ARHGAP5: variants seen among roughly 807,000 people sequenced by gnomAD.
ARHGAP5 encodes Rho GTPase activating protein 5, also known as rho GTPase-activating protein 5.
A neutral mutation model predicts 116.6 loss-of-function variants in ARHGAP5; 23 were observed. That is an observed-to-expected ratio of 0.20 (90% CI 0.14 to 0.28). The LOEUF is 0.28. Among genes scored for constraint, ARHGAP5 ranks in the 10% least tolerant of loss-of-function variants. ARHGAP5 has a pLI of 1.00. For synonymous variants in ARHGAP5, 574 were observed against 602.0 expected, an observed-to-expected ratio of 0.95 and a Z score of 0.68; for missense variants, 1,405 against 1,774.8, an observed-to-expected ratio of 0.79 and a Z score of 3.74.
rs908522043 is a variant in ARHGAP5, at chr14:32,129,287, T to C, written c.3865+12000T>C. ...TCTGTTCCCATTTTTTTTTCAGTTA[T>C]GCTAGAGTAGGTGATCAGGTGACCA... is the stretch of plus-strand genomic sequence containing the variant. On this transcript the variant is annotated intron_variant, in intron 3 of 6. Coordinates refer to ENST00000345122, the MANE Select transcript of ARHGAP5 (RefSeq NM_001030055.2). Among the ~76,000 whole-genome samples, 12 of 152,284 alleles carry C rather than the reference T, an allele frequency of 7.9e-5. No individual in the cohort carries two copies. The East Asian group carries it at 1.9e-3, about 24-fold the overall frequency.
At chr14:32,144,535 G>A (rs1201626411) in intron 3 of ARHGAP5, among the ~76,000 whole-genome samples, 1 of 151,810 alleles carries the variant, frequency 6.6e-6, no homozygotes, top group South Asian at 2.1e-4. Flanking sequence ...CGAGGCTGGA[G>A]TGCAGTGGTG....
At chr14:32,124,309 C>T (rs1351581424) in intron 3 of ARHGAP5, among the ~76,000 whole-genome samples, 1 of 152,072 alleles carries the variant, frequency 6.6e-6, no homozygotes, top group African/African-American at 2.4e-5. Flanking sequence ...TATAATTTTT[C>T]GAGTCCTTAG....
Position 32,106,221 on chromosome 14 carries a change from A to C in ARHGAP5, c.3718-10919A>C, listed in dbSNP as rs780982985. Among the ~76,000 whole-genome samples, 4 of 152,170 alleles carry C rather than the reference A, an allele frequency of 2.6e-5. No individual in the cohort carries two copies. The South Asian group carries it at 6.2e-4, about 24-fold the overall frequency. On this transcript the variant is annotated intron_variant, in intron 2 of 6. Coordinates refer to ENST00000345122, the MANE Select transcript of ARHGAP5 (RefSeq NM_001030055.2). ...ACTGCAACCTCTGCCTCCCAGGTTC[A>C]AGTAATTCTCTGCCTCAGCCTCCTG...
chr14:32,117,405 A>G lies in ARHGAP5; in HGVS notation c.3865+118A>G, dbSNP rs1879658732. 8 of 922,356 alleles carry G rather than the reference A, an allele frequency of 8.7e-6. No individual in the cohort carries two copies. In the South Asian group the frequency reaches 9.1e-5, roughly 10 times the overall value. 57.1% of individuals were successfully genotyped at this position (922,356 alleles called of 1,614,324 possible). The stretch of plus-strand genomic sequence containing the variant: ...GTTCTCATTATTAGGATTATTTAGT[A>G]TTAACTCCATCTGATCAGGTAACCA... On this transcript the variant is annotated intron_variant, in intron 3 of 6. Transcript: ENST00000345122.
In ARHGAP5 at chr14:32,152,444, G is replaced by T; in HGVS notation, c.4097G>T (p.Arg1366Leu). ...EAAKIPDKTERLHALKEIVKK... is the reference protein window; with the variant it reads ...EAAKIPDKTELLHALKEIVKK... ...ACAGAAATCCCGGATAAAACAGAAC[G>T]TCTTCATGCCTTGAAAGAAATTGTT... The change falls in exon 6 of 7, where the codon CGT becomes CTT. Residue 1366 changes from arginine (R) to leucine (L), a missense_variant. By Grantham distance (102) the Arg-to-Leu change is moderately radical. This residue lies in a region of ARHGAP5 where 176 missense variants were observed against 221.2 expected (regional missense o/e 0.80). Coordinates refer to ENST00000345122, the MANE Select transcript of ARHGAP5 (RefSeq NM_001030055.2). 6.2e-7 allele frequency: 1 copy of T among 1,605,052 alleles called. No homozygotes were observed. The highest frequency in any genetic ancestry group is 8.5e-7 in the Non-Finnish European group (1 of 1,176,508).
At chr14:32,151,801 A>G (rs534687914) in intron 5 of ARHGAP5, among the ~76,000 whole-genome samples, 23 of 152,344 alleles carry the variant, frequency 1.5e-4, no homozygotes, top group Non-Finnish European at 2.5e-4. Context: ...GTAAATTGCT[A>G]ACGTACCATT....
intron 1 of ARHGAP5, among the ~76,000 whole-genome samples, chr14:32,077,755 C>T (rs1043276979): frequency 4.6e-5 from 7 of 151,990 alleles, no homozygotes; most frequent in Non-Finnish European, 1.0e-4. Flanking sequence ...CAGGCGTCCG[C>T]TCTCGCCCGC....
intron 3 of ARHGAP5, among the ~76,000 whole-genome samples, chr14:32,119,684 C>T (rs1031892826): frequency 1.3e-5 from 2 of 152,020 alleles, no homozygotes; most frequent in Non-Finnish European, 2.9e-5. Flanking sequence ...CTCTAACATT[C>T]CTAGTTTGCT....
chr14:32,153,064 T>A (rs554973321), intron 6 of ARHGAP5, among the ~76,000 whole-genome samples: 30 of 150,296 alleles, frequency 2.0e-4, no homozygotes, highest in Admixed American at 5.3e-4. Flanking sequence ...TTTTTTTTTT[T>A]TTAAACTAAT....
At position 32,156,271 on chromosome 14, in the gene ARHGAP5, G is replaced by A. The variant is rs573197571; in HGVS notation, c.*1323G>A. 1.4e-4 allele frequency: 21 copies of A among 152,450 alleles called. No individual in the cohort carries two copies. Among genetic ancestry groups the A allele is most frequent in the Admixed American group, 3.9e-4 (6 of 15,272 alleles). 9.4% of individuals were successfully genotyped at this position (152,450 alleles called of 1,614,324 possible). On this transcript the variant is annotated 3_prime_UTR_variant, in exon 7 of 7. Coordinates refer to ENST00000345122, the MANE Select transcript of ARHGAP5 (RefSeq NM_001030055.2). Reference sequence around the variant, plus strand: ...TAAATTTCACTAGGTTATATTTTGTGTAGTAAAGAAAAAAATTATTTGGTC... The same window carrying A: ...TAAATTTCACTAGGTTATATTTTGTATAGTAAAGAAAAAAATTATTTGGTC...
intron 1 of ARHGAP5, among the ~76,000 whole-genome samples, chr14:32,089,558 A>G (rs2041864093): frequency 1.3e-5 from 2 of 151,894 alleles, no homozygotes; most frequent in Non-Finnish European, 2.9e-5. Context: ...ATTTTATGCA[A>G]TTCTTAAAAG....
At chr14:32,099,891 T>C (rs1878711880) in intron 2 of ARHGAP5, among the ~76,000 whole-genome samples, 1 of 152,200 alleles carries the variant, frequency 6.6e-6, no homozygotes, top group South Asian at 2.1e-4. Context: ...GTTGTCATTC[T>C]TACCAATCAG....
intron 3 of ARHGAP5, among the ~76,000 whole-genome samples, chr14:32,144,950 A>G (rs1881308112): frequency 6.6e-6 from 1 of 152,172 alleles, no homozygotes; most frequent in Non-Finnish European, 1.5e-5. Flanking sequence ...GTTAAATGTC[A>G]TTTATCATTC....
chr14:32,092,037 T>C lies in ARHGAP5; in HGVS notation c.1368T>C (p.Phe456=), dbSNP rs1421330597. 3 of 1,613,704 alleles carry C rather than the reference T, an allele frequency of 1.9e-6. No homozygotes were observed. Among genetic ancestry groups the C allele is most frequent in the Non-Finnish European group, 2.5e-6 (3 of 1,179,738 alleles). ...AGCCATGGGAGGAAGTTATGTGCTT[T>C]GTTATGGAGGATGAAGCCTACAAAT... is the stretch of plus-strand genomic sequence containing the variant. ...PGQPWEEVMC[F]VMEDEAYKYI... The change falls in exon 2 of 7, where the codon TTT becomes TTC. Residue 456 remains phenylalanine (F), a synonymous_variant. Coordinates refer to ENST00000345122, the MANE Select transcript of ARHGAP5 (RefSeq NM_001030055.2). This position sits in a 1 kb window ranked among gnomAD's most constrained non-coding sequence, Gnocchi z 4.1.
At chr14:32,079,567 G>C (rs899900076) in intron 1 of ARHGAP5, among the ~76,000 whole-genome samples, 1 of 152,098 alleles carries the variant, frequency 6.6e-6, no homozygotes, top group African/African-American at 2.4e-5. Context: ...GATTATTTAA[G>C]GAATGAATAT....
At position 32,092,563 on chromosome 14, in the gene ARHGAP5, C is replaced by T. The variant is rs759668090; in HGVS notation, c.1894C>T (p.Leu632Phe). The T allele has an allele frequency of 6.2e-7, 1 of 1,613,702 alleles. No homozygotes were observed. The highest frequency in any genetic ancestry group is 8.5e-7 in the Non-Finnish European group (1 of 1,179,838). Residue 632 changes from leucine (L) to phenylalanine (F), a missense_variant, in exon 2 of 7, where the codon CTT (leucine) becomes TTT (phenylalanine). By Grantham distance (22) the Leu-to-Phe change is conservative (BLOSUM62 0). This residue lies in a region of ARHGAP5 where 944 missense variants were observed against 1,095.3 expected (regional missense o/e 0.86). Coordinates refer to ENST00000345122, the MANE Select transcript of ARHGAP5 (RefSeq NM_001030055.2). The surrounding 1 kb of genome is among the most constrained non-coding windows in gnomAD (Gnocchi z 4.1). ...EYALDGKIYE[L>F]DLRPVDAKSP... Reference sequence around the variant, plus strand: ...TGCCTTAGATGGAAAAATTTATGAACTTGATCTTCGGCCGGTTGATGCCAA... The same window carrying T: ...TGCCTTAGATGGAAAAATTTATGAATTTGATCTTCGGCCGGTTGATGCCAA...
intron 1 of ARHGAP5, among the ~76,000 whole-genome samples, chr14:32,086,968 A>G (rs2041835717): frequency 6.6e-6 from 1 of 152,182 alleles, no homozygotes; most frequent in South Asian, 2.1e-4. Flanking sequence ...AATTTCTAGT[A>G]GGTTATTGCT....
intron 3 of ARHGAP5, among the ~76,000 whole-genome samples, chr14:32,128,084 A>AT (rs1880277518): frequency 7.9e-6 from 1 of 126,722 alleles, no homozygotes; most frequent in African/African-American, 3.1e-5. Context: ...CATCCCAGAC[A>AT]GGGTGGCCGG....
chr14:32,149,237 A>C (rs1055651328), intron 4 of ARHGAP5, among the ~76,000 whole-genome samples: 1 of 151,282 alleles, frequency 6.6e-6, no homozygotes, highest in Non-Finnish European at 1.5e-5. Flanking sequence ...GCTGGACTTA[A>C]ACTCCTGGGC....
Sources: allele counts gnomAD v4.1 joint callset (sites outside exome capture counted in the v4.1 genomes callset), GRCh38; gene constraint gnomAD v4.1.1; regional missense constraint gnomAD v4.1.1; non-coding constraint Gnocchi (gnomAD v3.1); transcripts MANE v1.5; gene names NCBI Gene and HGNC (gene_info 2026-07-23, HGNC 2026-07-21).